The following GLB1L2 variants were observed in gnomAD, a reference collection of about 807,000 sequenced individuals.
GLB1L2 encodes the protein beta-galactosidase-1-like protein 2.
A neutral mutation model predicts 84.1 loss-of-function variants in GLB1L2; 68 were observed. The observed-to-expected ratio is 0.81, with a 90% CI of 0.67 to 0.99. The LOEUF is 0.99. GLB1L2 is among the 50% of genes least tolerant of loss of function. GLB1L2 has a pLI of 0.00. For synonymous variants in GLB1L2, 290 were observed against 318.0 expected (o/e 0.91, Z 0.94); for missense variants, 762 against 805.6 (o/e 0.95, Z 0.66).
At chr11:134,374,320 C>A (rs1943996840) in intron 17 of GLB1L2, 64 bp downstream of exon 17, 1 of 1,313,558 alleles carries the variant, frequency 7.6e-7, no homozygotes, top group Non-Finnish European at 1.1e-6. Context: ...GGGCTCTGAG[C>A]CAAAGCCACG....
At chr11:134,367,107 A>G (rs1394691901) in intron 8 of GLB1L2, 150 bp from the exon 9 acceptor site, 2 of 728,230 alleles carry the variant, frequency 2.7e-6, no homozygotes, top group Admixed American at 2.2e-5. Flanking sequence ...GCCCTCACCT[A>G]TGCCCCACCT....
At chr11:134,343,120 G>T (rs1285097851) in intron 2 of GLB1L2, among the ~76,000 whole-genome samples, 169 bp downstream of exon 2, 1 of 152,214 alleles carries the variant, frequency 6.6e-6, no homozygotes, top group Non-Finnish European at 1.5e-5. Context: ...GGCGCCAAGG[G>T]ACATGAAATG....
chr11:134,357,949 GC>G (rs1943726997), intron 6 of GLB1L2, among the ~76,000 whole-genome samples: 1 of 152,212 alleles, frequency 6.6e-6, no homozygotes, highest in African/African-American at 2.4e-5. Context: ...GTAAATGCTT[GC>G]TAAATATCAG....
At position 134,371,077 on chromosome 11, in the gene GLB1L2, G is replaced by A. The variant is rs757884305; in HGVS notation, c.1285G>A (p.Gly429Arg). The stretch of plus-strand genomic sequence containing the variant: ...CAATGGGGGAAATGGACAGTCCTTC[G>A]GGTACATTCTCTATGAGACCAGCAT... The part of the protein sequence containing the change: ...PVNGGNGQSF[G>R]YILYETSITS... Residue 429 changes from glycine (G) to arginine (R), a missense_variant, in exon 13 of 19, where the codon GGG becomes AGG. Physicochemically the swap from Gly to Arg is moderately radical, Grantham distance 125. Transcript: ENST00000535456. 20 of 1,614,002 alleles carry A rather than the reference G, an allele frequency of 1.2e-5. No individual in the cohort carries two copies. The Admixed American group carries it at 1.3e-4, about 11-fold the overall frequency.
intron 8 of GLB1L2, among the ~76,000 whole-genome samples, chr11:134,365,749 T>C (rs1943860770): frequency 6.6e-6 from 1 of 152,168 alleles, no homozygotes; most frequent in African/African-American, 2.4e-5. Flanking sequence ...CAGAGATGTC[T>C]GTTTTCCTGA....
chr11:134,366,985 G>A (rs542086709), intron 8 of GLB1L2: 54 of 479,320 alleles, frequency 1.1e-4, no homozygotes, highest in East Asian at 2.4e-4. Flanking sequence ...TTGCTAACAC[G>A]TATGCAACAT....
Position 134,370,569 on chromosome 11 carries a change from G to GCT in GLB1L2, c.1215+173_1215+174dup, listed in dbSNP as rs935598053. On this transcript the variant is annotated intron_variant, in intron 12 of 18. Transcript: ENST00000535456. The surrounding 1 kb of genome is among the most constrained non-coding windows in gnomAD (Gnocchi z 4.7). ...GGGGGAGGCAGGCCAGTGCCTGGTG[G>GCT]CTCTGGGGTCTGCTCTCCGGCCTTG... Among the ~76,000 whole-genome samples the GCT allele has an allele frequency of 2.6e-5, 4 of 152,102 alleles. No homozygotes were observed. Among genetic ancestry groups the GCT allele is most frequent in the African/African-American group, 9.7e-5 (4 of 41,420 alleles).
At position 134,341,935 on chromosome 11, in the gene GLB1L2, CGGCTCCTGCCCCGG is replaced by C. The variant is rs1355475972; in HGVS notation, c.87-818_87-805del. Among the ~76,000 whole-genome samples, 4 of 72,024 alleles carry C rather than the reference CGGCTCCTGCCCCGG, an allele frequency of 5.6e-5. No homozygotes were observed. The East Asian group carries it at 1.4e-3, about 26-fold the overall frequency. 47.3% of individuals were successfully genotyped at this position (72,024 alleles called of 152,430 possible). A position where few individuals can be genotyped will look rare whatever the true frequency, so the allele number is the denominator to read the frequency against. ...GTGGGGACGAAGGCACAGCCCACAC[CGGCTCCTGCCCCGG>C]ACTCAGCCACCCAGCACCGGCTCCT... On this transcript the variant is annotated intron_variant, in intron 1 of 18. Coordinates refer to ENST00000535456, the MANE Select transcript of GLB1L2 (RefSeq NM_001370461.1).
At chr11:134,340,762 G>A (rs1943450990) in intron 1 of GLB1L2, among the ~76,000 whole-genome samples, 1 of 152,238 alleles carries the variant, frequency 6.6e-6, no homozygotes, top group Admixed American at 6.5e-5. Flanking sequence ...GCCATTCGTA[G>A]ATGGTGTGGC....
intron 8 of GLB1L2, among the ~76,000 whole-genome samples, chr11:134,366,859 G>C (rs955619040): frequency 1.3e-5 from 2 of 152,068 alleles, no homozygotes; most frequent in African/African-American, 4.8e-5. Context: ...CAGGGTGGGG[G>C]GGAGGGATCT....
At chr11:134,336,026 T>G (rs1287455940) in intron 1 of GLB1L2, among the ~76,000 whole-genome samples, 2 of 152,166 alleles carry the variant, frequency 1.3e-5, no homozygotes, top group African/African-American at 4.8e-5. Context: ...AAGACCGTAT[T>G]GAAAAAGAGT....
At chr11:134,371,245 G>A in intron 13 of GLB1L2, 97 bp downstream of exon 13, 5 of 1,467,250 alleles carry the variant, frequency 3.4e-6, no homozygotes, top group Non-Finnish European at 3.8e-6. Context: ...TTACCAGTGT[G>A]TGACAATGGC....
In GLB1L2 at chr11:134,344,277, G is replaced by A; in HGVS notation, c.285-110G>A. The A allele has an allele frequency of 1.4e-5, 19 of 1,334,552 alleles. No individual in the cohort carries two copies. The South Asian group carries it at 2.2e-4, about 16-fold the overall frequency. The allele number at this position is 1,334,552 out of a possible 1,614,324, so 82.7% of individuals were successfully genotyped here. On this transcript the variant is annotated intron_variant, in intron 2 of 18. Transcript: ENST00000535456. ...TTGGTTCCAGTCCTAAAATCATGAA[G>A]AAACATATCTTTAGCCATCATATTG...
intron 1 of GLB1L2, among the ~76,000 whole-genome samples, chr11:134,340,640 A>G (rs1394885986): frequency 2.6e-5 from 4 of 152,236 alleles, no homozygotes; most frequent in Non-Finnish European, 4.4e-5. Flanking sequence ...TTAGCACTCC[A>G]GGGCTTCATC....
chr11:134,375,405 TGCGA>T lies in GLB1L2; in HGVS notation c.*350_*353del, dbSNP rs1944013425. On this transcript the variant is annotated 3_prime_UTR_variant, in exon 19 of 19. Coordinates refer to ENST00000535456, the MANE Select transcript of GLB1L2 (RefSeq NM_001370461.1). Reference sequence around the variant, plus strand: ...GCCCTTGCACTGGACGTCACAGCCCTGCGAGCATCTGCTGGACTCAGGCGTGCTC... The same window carrying T: ...GCCCTTGCACTGGACGTCACAGCCCTGCATCTGCTGGACTCAGGCGTGCTC... 4.2e-6 allele frequency: 1 copy of T among 238,982 alleles called. No individual in the cohort carries two copies. Among genetic ancestry groups the T allele is most frequent in the African/African-American group, 2.3e-5 (1 of 43,804 alleles). The allele number at this position is 238,982 out of a possible 1,614,324, so 14.8% of individuals were successfully genotyped here. A position where few individuals can be genotyped will look rare whatever the true frequency, so the allele number is the denominator to read the frequency against.
rs923371105 is a variant in GLB1L2 at position 134,334,371 on chromosome 11, C to T, written c.86+2224C>T. Among the ~76,000 whole-genome samples, 8 of 152,046 alleles carry T rather than the reference C, an allele frequency of 5.3e-5. No homozygotes were observed. Among genetic ancestry groups the T allele is most frequent in the South Asian group, 2.1e-4 (1 of 4,814 alleles). On this transcript the variant is annotated intron_variant, in intron 1 of 18. Coordinates refer to ENST00000535456, the MANE Select transcript of GLB1L2 (RefSeq NM_001370461.1). This position sits in a 1 kb window ranked among gnomAD's most constrained non-coding sequence, Gnocchi z 4.1. ...ATCAACTTTTCCTTGGGCTGGTTCACGGTCAGTCATAGCTGGTGGGTTACA... is the reference window on the plus strand; with the variant it reads ...ATCAACTTTTCCTTGGGCTGGTTCATGGTCAGTCATAGCTGGTGGGTTACA...
At chr11:134,337,101 T>C (rs1430654898) in intron 1 of GLB1L2, among the ~76,000 whole-genome samples, 1 of 152,186 alleles carries the variant, frequency 6.6e-6, no homozygotes, top group Non-Finnish European at 1.5e-5. Context: ...CTACAGTCTT[T>C]AGGAAATAAC....
At chr11:134,349,663 G>A (rs1394248000) in intron 5 of GLB1L2, among the ~76,000 whole-genome samples, 2 of 152,180 alleles carry the variant, frequency 1.3e-5, no homozygotes, top group Admixed American at 1.3e-4. Flanking sequence ...TCTCATGGTG[G>A]TTTTGATTTG....
At chr11:134,354,745 A>C (rs1305368352) in intron 5 of GLB1L2, among the ~76,000 whole-genome samples, 1 of 152,122 alleles carries the variant, frequency 6.6e-6, no homozygotes, top group Non-Finnish European at 1.5e-5. Flanking sequence ...AGTCTTATTG[A>C]GGATCCCTTG....
Sources: gnomAD v4.1 joint callset for allele counts (sites outside exome capture counted in the v4.1 genomes callset) on GRCh38, gnomAD v4.1.1 for gene constraint, Gnocchi (gnomAD v3.1) non-coding constraint, MANE v1.5 for transcripts, NCBI Gene and HGNC (gene_info 2026-07-23, HGNC 2026-07-21) for gene names.